Variants in SMG6 observed in about 807,000 individuals in gnomAD.
The protein encoded by SMG6 is telomerase-binding protein EST1A.
A neutral mutation model predicts 142.2 loss-of-function variants in SMG6; 66 were observed. That is an observed-to-expected ratio of 0.46 (90% confidence interval 0.38 to 0.57). The LOEUF (loss-of-function observed/expected upper bound fraction) is 0.57, where lower values mean the gene tolerates loss of function less well. SMG6 is among the 20% of genes least tolerant of loss of function. The pLI, the probability that SMG6 is intolerant of heterozygous loss-of-function variation, is 0.00. For missense variants in SMG6, 1,793 were observed against 1,832.0 expected, an observed-to-expected ratio of 0.98 and a Z score of 0.39; for synonymous variants, 779 against 702.4, an observed-to-expected ratio of 1.11 and a Z score of -1.72.
At chr17:2,116,453 G>A (rs897569052) in intron 13 of SMG6, among the ~76,000 whole-genome samples, 1 of 152,180 alleles carries the variant, frequency 6.6e-6, no homozygotes, top group African/African-American at 2.4e-5. Context: ...GCTGGGCATG[G>A]TGGCTCACGC....
chr17:2,079,947 C>T (rs972322129), intron 15 of SMG6, among the ~76,000 whole-genome samples: 3 of 148,962 alleles, frequency 2.0e-5, no homozygotes, highest in African/African-American at 5.0e-5. Flanking sequence ...TGGTGGCAGG[C>T]GCCTGTAATC....
chr17:2,109,512 C>T (rs1451657839), intron 13 of SMG6, among the ~76,000 whole-genome samples: 1 of 152,148 alleles, frequency 6.6e-6, no homozygotes, highest in Non-Finnish European at 1.5e-5. Flanking sequence ...GATCCGCCTG[C>T]CTCAGCCTCT....
At chr17:2,239,584 A>G (rs2073751702) in intron 9 of SMG6, among the ~76,000 whole-genome samples, 1 of 152,184 alleles carries the variant, frequency 6.6e-6, no homozygotes, top group Admixed American at 6.5e-5. Context: ...TGTGTATGTG[A>G]TATGTAGGAA....
intron 18 of SMG6, 59 bp from the exon 19 acceptor site, chr17:2,061,681 C>T: frequency 1.3e-6 from 2 of 1,529,636 alleles, no homozygotes; most frequent in Non-Finnish European, 1.8e-6. Flanking sequence ...GGGCTGGCTG[C>T]TCTTCTCACC....
intron 13 of SMG6, among the ~76,000 whole-genome samples, chr17:2,156,912 C>G (rs1248838587): frequency 2.0e-5 from 3 of 152,210 alleles, no homozygotes; most frequent in Non-Finnish European, 2.9e-5. Flanking sequence ...TTTAGCTTCC[C>G]AAAGTGCTGG....
intron 4 of SMG6, among the ~76,000 whole-genome samples, chr17:2,295,643 G>A (rs898046390): frequency 4.0e-5 from 6 of 151,244 alleles, no homozygotes; most frequent in East Asian, 1.9e-4. Context: ...TGTAACCCCC[G>A]TTTCTGGCCA....
At chr17:2,220,301 G>T (rs138570443) in intron 10 of SMG6, among the ~76,000 whole-genome samples, 1 of 152,060 alleles carries the variant, frequency 6.6e-6, no homozygotes, top group Non-Finnish European at 1.5e-5. Flanking sequence ...AGAAGAAAAT[G>T]TTCAAAAAGA....
chr17:2,081,844 A>G lies in SMG6; in HGVS notation c.3647T>C (p.Ile1216Thr). 6.2e-7 allele frequency: 1 copy of G among 1,613,946 alleles called. No homozygotes were observed. The highest frequency in any genetic ancestry group is 1.1e-5 in the South Asian group (1 of 91,082). ...RAKKLALARK[I>T]AEQQRRQEKI... The stretch of plus-strand genomic sequence containing the variant: ...TTCCTGGCGACGCTGCTGCTCAGCT[A>G]TCTTCCTGGCCAGAGCCAGCTTCTT... Residue 1216 changes from isoleucine (I) to threonine (T), a missense_variant, in exon 15 of 19, where the codon ATA becomes ACA. By Grantham distance (89) the Ile-to-Thr change is moderately conservative. Coordinates refer to ENST00000263073, the MANE Select transcript of SMG6 (RefSeq NM_017575.5).
intron 8 of SMG6, among the ~76,000 whole-genome samples, chr17:2,264,496 C>T (rs1385829668): frequency 2.6e-5 from 4 of 152,196 alleles, no homozygotes; most frequent in African/African-American, 9.7e-5. Context: ...CCATCTCTCA[C>T]ATAGAGAGGA....
intron 13 of SMG6, among the ~76,000 whole-genome samples, chr17:2,164,501 G>C (rs1256501466): frequency 6.6e-6 from 1 of 151,738 alleles, no homozygotes; most frequent in Non-Finnish European, 1.5e-5. Context: ...CCAGCTACTA[G>C]GGAGACTGAG....
At chr17:2,272,978 T>TGA (rs894416089) in intron 8 of SMG6, among the ~76,000 whole-genome samples, 1 of 147,932 alleles carries the variant, frequency 6.8e-6, no homozygotes, top group Non-Finnish European at 1.5e-5. Flanking sequence ...ATCACATTTC[T>TGA]GAGATTTTTG....
chr17:2,173,017 TGCCCAAG>T, intron 12 of SMG6, 158 bp from the exon 13 acceptor site: 1 of 686,164 alleles, frequency 1.5e-6, no homozygotes, highest in Non-Finnish European at 2.5e-6. Flanking sequence ...AACAAAACTG[TGCCCAAG>T]GCAGCAATCT....
chr17:2,258,387 C>T (rs1257248304), intron 8 of SMG6, among the ~76,000 whole-genome samples: 3 of 151,726 alleles, frequency 2.0e-5, no homozygotes, highest in Non-Finnish European at 4.4e-5. Flanking sequence ...GAAGGACCAT[C>T]TCTACTAAAA....
intron 13 of SMG6, among the ~76,000 whole-genome samples, chr17:2,119,283 TC>T: frequency 6.6e-6 from 1 of 152,048 alleles, no homozygotes; most frequent in Non-Finnish European, 1.5e-5. Flanking sequence ...GGTCTCAATC[TC>T]CTGACCTTGT....
chr17:2,196,392 C>A (rs1356544667), intron 10 of SMG6, among the ~76,000 whole-genome samples: 2 of 152,174 alleles, frequency 1.3e-5, no homozygotes, highest in African/African-American at 4.8e-5. Flanking sequence ...TGCGTCATTG[C>A]GCTTCAGCCT....
At position 2,277,358 on chromosome 17, in the gene SMG6, A is replaced by G. The variant is rs9895303; in HGVS notation, c.2661+5289T>C. Among the ~76,000 whole-genome samples the G allele has an allele frequency of 4.1e-3, 628 of 151,418 alleles. 3 individuals are homozygous for G. The highest frequency in any genetic ancestry group is 0.013 in the African/African-American group (524 of 41,294). On this transcript the variant is annotated intron_variant, in intron 8 of 18. Transcript: ENST00000263073. ...ACTTTTTGTATTTTTAGTAGAGACG[A>G]GGTTTCACCGTGTTAGCCAGGATGG...
At chr17:2,282,999 T>C in intron 7 of SMG6, 140 bp from the exon 8 acceptor site, 1 of 722,492 alleles carries the variant, frequency 1.4e-6, no homozygotes, top group Non-Finnish European at 2.3e-6. Flanking sequence ...AGTGAAACCC[T>C]GTCTCTACTA....
At chr17:2,269,887 G>C (rs746886167) in intron 8 of SMG6, among the ~76,000 whole-genome samples, 7 of 152,214 alleles carry the variant, frequency 4.6e-5, no homozygotes, top group Non-Finnish European at 8.8e-5. Context: ...CTTCAGGCCA[G>C]GCATGGTGGC....
At chr17:2,128,273 C>G (rs1424961390) in intron 13 of SMG6, among the ~76,000 whole-genome samples, 1 of 152,146 alleles carries the variant, frequency 6.6e-6, no homozygotes, top group Non-Finnish European at 1.5e-5. Context: ...GCAGGGAGGG[C>G]ACGAAATGGT....
Sources: gnomAD v4.1 joint callset for allele counts (sites outside exome capture counted in the v4.1 genomes callset) on GRCh38, gnomAD v4.1.1 for gene constraint, MANE v1.5 for transcripts, NCBI Gene and HGNC (gene_info 2026-07-23, HGNC 2026-07-21) for gene names.